The following AKAP13 variants were observed in gnomAD, a reference collection of about 807,000 sequenced individuals.
AKAP13 encodes the protein A-kinase anchoring protein 13.
A neutral mutation model predicts 264.5 loss-of-function variants in AKAP13; 80 were observed. That is an observed-to-expected ratio of 0.30 (90% CI 0.25 to 0.36). AKAP13 has a LOEUF of 0.36. AKAP13 is among the 10% of genes least tolerant of loss of function. AKAP13 has a pLI of 1.00. For synonymous variants in AKAP13, 1,380 were observed against 1,250.2 expected (o/e 1.10, Z -2.19); for missense variants, 3,712 against 3,435.2 (o/e 1.08, Z -2.01).
chr15:85,557,060 G>T (rs1177791500), intron 5 of AKAP13, among the ~76,000 whole-genome samples: 1 of 152,226 alleles, frequency 6.6e-6, no homozygotes, highest in Non-Finnish European at 1.5e-5. Context: ...TGAGTGTTCA[G>T]TCGAATACCT....
chr15:85,553,421 A>G lies in AKAP13; in HGVS notation c.662+9466A>G, dbSNP rs143011850. Among the ~76,000 whole-genome samples, 968 of 152,278 alleles carry G rather than the reference A, an allele frequency of 6.4e-3. 11 individuals carry two copies. The highest frequency in any genetic ancestry group is 0.022 in the African/African-American group (907 of 41,554). On this transcript the variant is annotated intron_variant, in intron 5 of 36. Transcript: ENST00000394518. ...GTAATTCTTATACCATTTAAATTTT[A>G]ATAAATATTTGTTGGCTTAATAAAG...
rs957006166 is a variant in AKAP13 at position 85,415,214 on chromosome 15, G to A, written c.-12+34416G>A. 24 of 1,527,500 alleles carry A rather than the reference G, an allele frequency of 1.6e-5. 1 individual carries two copies. In the Admixed American group the frequency reaches 2.3e-4, roughly 15 times the overall value. 94.6% of individuals were successfully genotyped at this position (1,527,500 alleles called of 1,614,324 possible). On this transcript the variant is annotated intron_variant, in intron 1 of 36. Transcript: ENST00000394518. ...CAGACCCCGCTCTGCACGCCAGCTC[G>A]CCCGCACCCCTCATGGCCACAGTTC...
intron 8 of AKAP13, 84 bp from the exon 9 acceptor site, chr15:85,639,290 G>C: frequency 1.1e-6 from 1 of 942,636 alleles, no homozygotes; most frequent in South Asian, 1.4e-5. Context: ...TAGGAATGTT[G>C]GTCAGTTGAC....
Position 85,521,514 on chromosome 15 carries a change from C to A in AKAP13, c.120C>A (p.Thr40=). ...TTTACTTGGTATTTTTGGGTTCCAC[C>A]CTCCGTCACTGTACAAGTACTCGGA... ...VVFYLVFLGS[T]LRHCTSTRKV... is the part of the protein sequence containing the mutation. Residue 40 remains threonine, a synonymous_variant, in exon 3 of 37, where the codon ACC becomes ACA. Coordinates refer to ENST00000394518, the MANE Select transcript of AKAP13 (RefSeq NM_007200.5). 6.2e-7 allele frequency: 1 copy of A among 1,614,106 alleles called. No homozygotes were observed. The highest frequency in any genetic ancestry group is 8.5e-7 in the Non-Finnish European group (1 of 1,180,008).
Position 85,399,520 on chromosome 15 carries a change from AAAT to A in AKAP13, c.-12+18725_-12+18727del, listed in dbSNP as rs1567038633. ...TCCGTCTCAAAAAAAAAAAAAAAAA[AAAT>A]AAAAAAATAAAAAAATAAATAAATA... On this transcript the variant is annotated intron_variant, in intron 1 of 36. Coordinates refer to ENST00000394518, the MANE Select transcript of AKAP13 (RefSeq NM_007200.5). Among the ~76,000 whole-genome samples, 169 of 117,796 alleles carry A rather than the reference AAAT, an allele frequency of 1.4e-3. 2 individuals carry two copies. The East Asian group carries it at 0.02, about 14-fold the overall frequency. The allele number at this position is 117,796 out of a possible 152,430, so 77.3% of individuals were successfully genotyped here. A position where few individuals can be genotyped will look rare whatever the true frequency, so the allele number is the denominator to read the frequency against.
intron 8 of AKAP13, among the ~76,000 whole-genome samples, chr15:85,611,000 A>T (rs1224953396): frequency 6.6e-6 from 1 of 151,958 alleles, no homozygotes; most frequent in East Asian, 1.9e-4. Flanking sequence ...TCCCCCAAAA[A>T]ACCTTAAGTT....
At chr15:85,432,108 A>C (rs924912495) in intron 1 of AKAP13, among the ~76,000 whole-genome samples, 1 of 149,806 alleles carries the variant, frequency 6.7e-6, no homozygotes. Context: ...CTTTTTTTTT[A>C]GAAGAATACG....
chr15:85,495,297 T>G (rs985651201), intron 2 of AKAP13, among the ~76,000 whole-genome samples: 5 of 152,286 alleles, frequency 3.3e-5, no homozygotes, highest in Non-Finnish European at 7.4e-5. Context: ...CCAACATGTT[T>G]CGGTGGGCAT....
chr15:85,405,043 G>A (rs1046781922), intron 1 of AKAP13, among the ~76,000 whole-genome samples: 3 of 151,856 alleles, frequency 2.0e-5, no homozygotes, highest in African/African-American at 4.8e-5. Flanking sequence ...CCTTACCATT[G>A]TTTAAAGTCT....
At chr15:85,610,333 C>A (rs1409616954) in intron 8 of AKAP13, among the ~76,000 whole-genome samples, 1 of 152,210 alleles carries the variant, frequency 6.6e-6, no homozygotes, top group East Asian at 1.9e-4. Context: ...TTCCAAAACA[C>A]TTGTCCACCC....
chr15:85,452,695 T>C (rs553857952), intron 1 of AKAP13, among the ~76,000 whole-genome samples: 42 of 152,336 alleles, frequency 2.8e-4, no homozygotes, highest in African/African-American at 9.6e-4. Flanking sequence ...CTTAGGCTTA[T>C]TGGACAGCTG....
At chr15:85,733,891 T>TTC (rs1290420663) in intron 30 of AKAP13, among the ~76,000 whole-genome samples, 1 of 147,104 alleles carries the variant, frequency 6.8e-6, no homozygotes, top group Non-Finnish European at 1.5e-5. Flanking sequence ...TTTTTTTTTT[T>TTC]TTTGAGACAG....
intron 1 of AKAP13, among the ~76,000 whole-genome samples, chr15:85,473,173 A>G (rs1329288874): frequency 1.3e-5 from 2 of 152,224 alleles, no homozygotes; most frequent in Non-Finnish European, 2.9e-5. Flanking sequence ...ATTTAGGGAA[A>G]AAAGACTGAA....
At chr15:85,713,136 A>G (rs1015116502) in intron 19 of AKAP13, among the ~76,000 whole-genome samples, 1 of 152,222 alleles carries the variant, frequency 6.6e-6, no homozygotes, top group Admixed American at 6.5e-5. Flanking sequence ...AAATAAGGAA[A>G]CAGCAATATT....
At chr15:85,610,646 T>C (rs1482875409) in intron 8 of AKAP13, among the ~76,000 whole-genome samples, 2 of 152,156 alleles carry the variant, frequency 1.3e-5, no homozygotes, top group Non-Finnish European at 2.9e-5. Context: ...AGGAAAAAAA[T>C]GTCTTAAGAG....
intron 1 of AKAP13, among the ~76,000 whole-genome samples, chr15:85,405,568 T>C (rs1370878275): frequency 6.6e-6 from 1 of 152,220 alleles, no homozygotes; most frequent in Non-Finnish European, 1.5e-5. Flanking sequence ...ATTTGCCTTA[T>C]TCACTAACCT....
At position 85,726,567 on chromosome 15, in the gene AKAP13, C is replaced by T. The variant is rs2087626516; in HGVS notation, c.6822+81C>T. 21 of 1,169,946 alleles carry T rather than the reference C, an allele frequency of 1.8e-5. No individual in the cohort carries two copies. The South Asian group carries it at 2.9e-4, about 16-fold the overall frequency. The allele number at this position is 1,169,946 out of a possible 1,614,324, so 72.5% of individuals were successfully genotyped here. A position where few individuals can be genotyped will look rare whatever the true frequency, so the allele number is the denominator to read the frequency against. On this transcript the variant is annotated intron_variant, in intron 27 of 36. Transcript: ENST00000394518. ...AATGTAAGCACTATGTTATTGCTCT[C>T]CCCCGCCCTCTTAAAATTAAATGGC...
At position 85,723,075 on chromosome 15, in the gene AKAP13, A is replaced by G. The variant is rs147829524; in HGVS notation, c.6500A>G (p.Asn2167Ser). 574 of 1,612,824 alleles carry G rather than the reference A, an allele frequency of 3.6e-4. 1 individual carries two copies. The Admixed American group carries it at 3.9e-3, about 11-fold the overall frequency. ...FQRILQCTKD[N>S]EVEQEDLAQS... ...AGAATTATTCTTTCCTTCCAAGACA[A>G]TGAAGTGGAGCAGGAAGATCTAGCA... is the stretch of plus-strand genomic sequence containing the variant. The change falls in exon 26 of 37, where the codon AAT (asparagine) becomes AGT (serine). Residue 2167 changes from asparagine to serine, a missense_variant. By Grantham distance (46) the Asn-to-Ser change is conservative. Coordinates refer to ENST00000394518, the MANE Select transcript of AKAP13 (RefSeq NM_007200.5).
intron 8 of AKAP13, among the ~76,000 whole-genome samples, chr15:85,610,308 C>CTTTTT (rs986098160): frequency 1.3e-5 from 2 of 152,292 alleles, no homozygotes; most frequent in East Asian, 3.9e-4. Flanking sequence ...CTCTTCCCTT[C>CTTTTT]TTTTTCCATT....
Sources: gnomAD v4.1 joint callset for allele counts (sites outside exome capture counted in the v4.1 genomes callset) on GRCh38, gnomAD v4.1.1 for gene constraint, MANE v1.5 for transcripts, NCBI Gene and HGNC (gene_info 2026-07-23, HGNC 2026-07-21) for gene names.